OPHN1: variants seen among roughly 807,000 people sequenced by gnomAD.
OPHN1 encodes oligophrenin-1.
OPHN1 carries 11 observed loss-of-function variants against 60.7 expected under a neutral mutation model. The observed-to-expected ratio is 0.18, with a 90% CI of 0.11 to 0.30. The LOEUF (loss-of-function observed/expected upper bound fraction) is 0.30. Among genes scored for constraint, OPHN1 ranks in the 10% least tolerant of loss-of-function variants. The probability of loss-of-function intolerance (pLI) is 1.00; values close to 1 mark genes in which losing one functional copy is unlikely to be tolerated. For missense variants in OPHN1, 449 were observed against 611.0 expected, an observed-to-expected ratio of 0.73 and a Z score of 2.80; for synonymous variants, 226 against 222.6, an observed-to-expected ratio of 1.02 and a Z score of -0.14.
intron 19 of OPHN1, among the ~76,000 whole-genome samples, chrX:68,093,904 A>G (rs1391108129): frequency 9.1e-6 from 1 of 110,144 alleles, no homozygotes; most frequent in Non-Finnish European, 1.9e-5. Flanking sequence ...CAGAGCAAAA[A>G]TTTTTAATTT....
intron 15 of OPHN1, among the ~76,000 whole-genome samples, chrX:68,184,748 C>G (rs1161618652): frequency 9.1e-6 from 1 of 109,761 alleles, no homozygotes; most frequent in African/African-American, 3.3e-5. Flanking sequence ...AGGCGCCCAC[C>G]ACCATGCCTG....
intron 19 of OPHN1, among the ~76,000 whole-genome samples, chrX:68,087,762 C>T (rs755603992): frequency 1.8e-5 from 2 of 112,030 alleles, no homozygotes; most frequent in East Asian, 5.6e-4. Flanking sequence ...TCTCCATTTA[C>T]ACTCTGGCTA....
intron 2 of OPHN1, among the ~76,000 whole-genome samples, chrX:68,368,956 C>T (rs1171111899): frequency 8.9e-6 from 1 of 111,827 alleles, no homozygotes; most frequent in African/African-American, 3.2e-5. Context: ...CGCCTGTAAT[C>T]CCAGCACTTT....
At chrX:68,167,127 A>G (rs2077361945) in intron 15 of OPHN1, among the ~76,000 whole-genome samples, 1 of 112,038 alleles carries the variant, frequency 8.9e-6, no homozygotes, top group East Asian at 2.8e-4. Flanking sequence ...TCTGCAAACT[A>G]TGCATTTGAC....
chrX:68,384,116 T>C (rs2078612239), intron 2 of OPHN1, among the ~76,000 whole-genome samples: 1 of 111,959 alleles, frequency 8.9e-6, no homozygotes, highest in African/African-American at 3.2e-5. Context: ...ATTTCAACTT[T>C]TAAAAACTGG....
intron 2 of OPHN1, among the ~76,000 whole-genome samples, chrX:68,397,519 TATTTA>T (rs1168450120): frequency 7.3e-4 from 39 of 53,620 alleles, no homozygotes; most frequent in Non-Finnish European, 1.2e-3. Flanking sequence ...TTTATTTATT[TATTTA>T]TTTTTTTTTT....
chrX:68,058,609 T>C (rs1176458872), intron 21 of OPHN1, among the ~76,000 whole-genome samples: 1 of 111,827 alleles, frequency 8.9e-6, no homozygotes, highest in African/African-American at 3.2e-5. Flanking sequence ...TTGAGGCTTC[T>C]CAAAGGGCCT....
chrX:68,354,982 A>C (rs1302132391), intron 2 of OPHN1, among the ~76,000 whole-genome samples: 1 of 111,480 alleles, frequency 9.0e-6, no homozygotes, highest in South Asian at 3.8e-4. Context: ...GTCTTCATAA[A>C]CCCAACTGTT....
intron 15 of OPHN1, among the ~76,000 whole-genome samples, chrX:68,180,345 AT>A (rs2077431430): frequency 8.9e-6 from 1 of 111,844 alleles, no homozygotes; most frequent in African/African-American, 3.2e-5. Context: ...AATGCTTAAA[AT>A]TTTTTAGGAT....
intron 15 of OPHN1, among the ~76,000 whole-genome samples, chrX:68,122,293 A>G (rs983294071): frequency 8.9e-6 from 1 of 112,086 alleles, no homozygotes; most frequent in African/African-American, 3.2e-5. Context: ...ATTACTGGGT[A>G]TGGGATGCTC....
At chrX:68,194,999 AAAGAAAGGAAGG>A (rs1186444639) in intron 12 of OPHN1, among the ~76,000 whole-genome samples, 12 of 71,993 alleles carry the variant, frequency 1.7e-4, no homozygotes, top group Non-Finnish European at 2.1e-4. Context: ...AGAGAGAGAG[AAAGAAAGGAAGG>A]AAGGAAGGAA....
intron 2 of OPHN1, among the ~76,000 whole-genome samples, chrX:68,353,647 A>G (rs969980025): frequency 5.4e-5 from 6 of 111,359 alleles, no homozygotes; most frequent in Non-Finnish European, 1.1e-4. Flanking sequence ...AAAATGACAA[A>G]TGCTTTTGTA....
At chrX:68,228,663 CAT>C (rs2077710451) in intron 6 of OPHN1, among the ~76,000 whole-genome samples, 1 of 111,245 alleles carries the variant, frequency 9.0e-6, no homozygotes, top group South Asian at 3.8e-4. Flanking sequence ...ACAAAAACCA[CAT>C]GATTATCTCA....
intron 19 of OPHN1, among the ~76,000 whole-genome samples, chrX:68,079,869 C>G (rs1235179483): frequency 8.9e-6 from 1 of 111,954 alleles, no homozygotes; most frequent in Non-Finnish European, 1.9e-5. Flanking sequence ...TCTCTCACAT[C>G]CCACATCCAT....
intron 2 of OPHN1, among the ~76,000 whole-genome samples, chrX:68,366,017 T>G (rs2078497063): frequency 9.1e-6 from 1 of 109,722 alleles, no homozygotes; most frequent in Non-Finnish European, 1.9e-5. Context: ...CTTCTCACTT[T>G]GAGCACATTG....
In OPHN1 at chrX:68,273,578, T is replaced by C. The variant is rs73532162; in HGVS notation, c.384+1160A>G. Among the ~76,000 whole-genome samples the C allele has an allele frequency of 8.3e-3, 926 of 112,241 alleles. 8 individuals carry two copies. Among genetic ancestry groups the C allele is most frequent in the African/African-American group, 0.028 (875 of 30,923 alleles). On this transcript the variant is annotated intron_variant, in intron 5 of 24. Coordinates refer to ENST00000355520, the MANE Select transcript of OPHN1 (RefSeq NM_002547.3). Reference sequence around the variant, plus strand: ...ATTTTATCTGCACTGTCCAACACAGTAGCTACTAGACACAAGTGACTGCTG... The same window carrying C: ...ATTTTATCTGCACTGTCCAACACAGCAGCTACTAGACACAAGTGACTGCTG...
At chrX:68,133,417 CA>C in intron 15 of OPHN1, 1 of 760,557 alleles carries the variant, frequency 1.3e-6, no homozygotes, top group Non-Finnish European at 2.0e-6. Flanking sequence ...CGGTATGGGA[CA>C]AGGCCAACAA....
chrX:68,058,122 A>G (rs1184947566), intron 21 of OPHN1, among the ~76,000 whole-genome samples: 1 of 111,031 alleles, frequency 9.0e-6, no homozygotes, highest in East Asian at 2.8e-4. Context: ...GCTGTTTTTG[A>G]AGTACTCTAC....
At chrX:68,123,919 C>T (rs987047209) in intron 15 of OPHN1, among the ~76,000 whole-genome samples, 5 of 101,585 alleles carry the variant, frequency 4.9e-5, no homozygotes, top group Non-Finnish European at 9.9e-5. Flanking sequence ...ATAGACAAAA[C>T]TCTCTAATCA....
Sources: gnomAD v4.1 joint callset for allele counts (sites outside exome capture counted in the v4.1 genomes callset) on GRCh38, gnomAD v4.1.1 for gene constraint, MANE v1.5 for transcripts, NCBI Gene and HGNC (gene_info 2026-07-23, HGNC 2026-07-21) for gene names.